PTPRK: variants seen among roughly 807,000 people sequenced by gnomAD.
PTPRK encodes the protein receptor-type tyrosine-protein phosphatase kappa.
A neutral mutation model predicts 178.0 loss-of-function variants in PTPRK; 75 were observed. The observed-to-expected ratio is 0.42, with a 90% CI of 0.35 to 0.51. The LOEUF is 0.51. Ranked by LOEUF, PTPRK falls within the 20% of genes least tolerant of loss-of-function variation. The pLI is 0.02. For synonymous variants in PTPRK, 637 were observed against 620.6 expected (o/e 1.03, Z -0.39); for missense variants, 1,441 against 1,797.8 (o/e 0.80, Z 3.59).
intron 3 of PTPRK, among the ~76,000 whole-genome samples, chr6:128,301,439 T>C (rs2128312174): frequency 6.6e-6 from 1 of 152,188 alleles, no homozygotes; most frequent in Middle Eastern, 3.4e-3. Flanking sequence ...ATTGTACTTG[T>C]TATTTGCTTT....
At chr6:128,368,293 T>G (rs889138053) in intron 2 of PTPRK, among the ~76,000 whole-genome samples, 5 of 151,884 alleles carry the variant, frequency 3.3e-5, no homozygotes, top group Non-Finnish European at 7.4e-5. Context: ...TGATCAACAC[T>G]TACTCTATTT....
chr6:128,461,232 G>A (rs937040317), intron 1 of PTPRK, among the ~76,000 whole-genome samples: 5 of 108,234 alleles, frequency 4.6e-5, no homozygotes, highest in African/African-American at 1.7e-4. Flanking sequence ...TTGTTATTCC[G>A]TGTGTGTGTG....
rs534204806 is a variant in PTPRK at position 128,468,599 on chromosome 6, T to A, written c.100+51660A>T. Among the ~76,000 whole-genome samples, 256 of 152,256 alleles carry A rather than the reference T, an allele frequency of 1.7e-3. 1 individual carries two copies. The highest frequency in any genetic ancestry group is 2.6e-3 in the Non-Finnish European group (178 of 68,008). ...GTAGAAAACTTTTTCTAAAATAGAT[T>A]TGCAGAAAAGAATTTCCCACCAAAA... On this transcript the variant is annotated intron_variant, in intron 1 of 29. Coordinates refer to ENST00000368226, the MANE Select transcript of PTPRK (RefSeq NM_002844.4).
At chr6:128,025,890 T>C (rs544442077) in intron 13 of PTPRK, among the ~76,000 whole-genome samples, 1 of 152,330 alleles carries the variant, frequency 6.6e-6, no homozygotes, top group South Asian at 2.1e-4. Flanking sequence ...CAGTATAATC[T>C]ACCTTGTCAA....
At chr6:128,049,603 T>G (rs1035260204) in intron 13 of PTPRK, among the ~76,000 whole-genome samples, 6 of 152,090 alleles carry the variant, frequency 3.9e-5, no homozygotes, top group Non-Finnish European at 5.9e-5. Context: ...AGCATATTTC[T>G]AGTGAAATAC....
intron 1 of PTPRK, among the ~76,000 whole-genome samples, chr6:128,436,649 T>C (rs1269770124): frequency 1.3e-5 from 2 of 152,184 alleles, no homozygotes; most frequent in African/African-American, 4.8e-5. Flanking sequence ...CATTTTTTAT[T>C]TTAGCCTCCC....
intron 1 of PTPRK, among the ~76,000 whole-genome samples, chr6:128,420,685 G>C (rs1843379646): frequency 6.6e-6 from 1 of 152,196 alleles, no homozygotes; most frequent in African/African-American, 2.4e-5. Context: ...TTACAGTCAG[G>C]AAGAACTTAC....
At chr6:128,245,851 C>A (rs1815360362) in intron 3 of PTPRK, among the ~76,000 whole-genome samples, 1 of 152,026 alleles carries the variant, frequency 6.6e-6, no homozygotes, top group Admixed American at 6.6e-5. Context: ...TGGTACAGAC[C>A]ACTTTCTCAG....
intron 7 of PTPRK, among the ~76,000 whole-genome samples, chr6:128,090,746 C>A (rs1786774121): frequency 6.6e-6 from 1 of 152,158 alleles, no homozygotes; most frequent in Non-Finnish European, 1.5e-5. Context: ...TGTATTCTTT[C>A]CTCATTCAAG....
chr6:128,495,022 A>C (rs1182555507), intron 1 of PTPRK, among the ~76,000 whole-genome samples: 2 of 152,228 alleles, frequency 1.3e-5, no homozygotes, highest in Non-Finnish European at 2.9e-5. Flanking sequence ...CAAACCACTA[A>C]AGAAAATATA....
At chr6:128,113,618 C>T (rs928811266) in intron 7 of PTPRK, among the ~76,000 whole-genome samples, 1 of 151,936 alleles carries the variant, frequency 6.6e-6, no homozygotes, top group Non-Finnish European at 1.5e-5. Flanking sequence ...GAAAATATTA[C>T]ACCATTTTGT....
At chr6:128,430,885 C>T (rs979174849) in intron 1 of PTPRK, among the ~76,000 whole-genome samples, 2 of 152,008 alleles carry the variant, frequency 1.3e-5, no homozygotes, top group Non-Finnish European at 2.9e-5. Flanking sequence ...GCACATCCCA[C>T]ACACAAACAT....
intron 5 of PTPRK, among the ~76,000 whole-genome samples, chr6:128,223,521 T>C (rs1810778103): frequency 6.6e-6 from 1 of 152,054 alleles, no homozygotes; most frequent in Admixed American, 6.6e-5. Context: ...AATATACTAA[T>C]ATAACTATAA....
intron 5 of PTPRK, among the ~76,000 whole-genome samples, chr6:128,236,841 T>C (rs1047121756): frequency 2.0e-5 from 3 of 152,302 alleles, no homozygotes; most frequent in South Asian, 2.1e-4. Flanking sequence ...TCTACAATTA[T>C]ATAATCCAAT....
intron 7 of PTPRK, among the ~76,000 whole-genome samples, chr6:128,140,766 A>C (rs1443707519): frequency 3.3e-5 from 5 of 151,970 alleles, no homozygotes; most frequent in Non-Finnish European, 2.9e-5. Context: ...CTCAGTTTTC[A>C]CACTAGACAA....
chr6:128,041,848 T>TTAA (rs67714619), intron 13 of PTPRK, among the ~76,000 whole-genome samples: 32,989 of 151,408 alleles, frequency 0.22, 4,620 homozygotes, highest in African/African-American at 0.4. Flanking sequence ...CATTTGTGTG[T>TTAA]TGTCTGTGTA....
chr6:128,137,560 T>G (rs1204733514), intron 7 of PTPRK, among the ~76,000 whole-genome samples: 1 of 152,164 alleles, frequency 6.6e-6, no homozygotes, highest in South Asian at 2.1e-4. Context: ...AACAGATATC[T>G]CTTTGTGTGT....
chr6:128,361,750 T>G (rs1834785378), intron 2 of PTPRK, among the ~76,000 whole-genome samples: 1 of 152,198 alleles, frequency 6.6e-6, no homozygotes, highest in Non-Finnish European at 1.5e-5. Context: ...TATAGTAGTA[T>G]AATCTTATCA....
At chr6:128,414,888 ACATT>A (rs1488367520) in intron 1 of PTPRK, among the ~76,000 whole-genome samples, 1 of 152,140 alleles carries the variant, frequency 6.6e-6, no homozygotes, top group African/African-American at 2.4e-5. Context: ...TTTACTATAA[ACATT>A]CAATTTCATT....
Sources: gnomAD v4.1 joint callset for allele counts (sites outside exome capture counted in the v4.1 genomes callset) on GRCh38, gnomAD v4.1.1 for gene constraint, MANE v1.5 for transcripts, NCBI Gene and HGNC (gene_info 2026-07-23, HGNC 2026-07-21) for gene names.